The following TTC29 variants were observed in gnomAD, a reference collection of about 807,000 sequenced individuals.
The protein encoded by TTC29 is tetratricopeptide repeat domain 29, also known as tetratricopeptide repeat protein 29.
Under a neutral mutation model 58.1 loss-of-function variants are expected in TTC29, and 49 were observed. The ratio of observed to expected loss-of-function variants is 0.84; its 90% CI spans 0.67 to 1.07. The LOEUF is 1.07. Ranked by LOEUF, TTC29 falls within the 50% of genes least tolerant of loss-of-function variation. TTC29 has a pLI of 0.00. For synonymous variants in TTC29, 209 were observed against 196.8 expected, an observed-to-expected ratio of 1.06 and a Z score of -0.52; for missense variants, 582 against 555.6, an observed-to-expected ratio of 1.05 and a Z score of -0.48.
chr4:146,771,773 C>G (rs1280427565), intron 11 of TTC29, among the ~76,000 whole-genome samples: 2 of 152,076 alleles, frequency 1.3e-5, no homozygotes, highest in Non-Finnish European at 2.9e-5. Flanking sequence ...TGGGTATACA[C>G]CGAGTAACAG....
intron 8 of TTC29, among the ~76,000 whole-genome samples, chr4:146,853,015 A>C (rs1226825474): frequency 1.3e-5 from 2 of 152,192 alleles, no homozygotes; most frequent in African/African-American, 4.8e-5. Flanking sequence ...TGAAATGACT[A>C]ACCTGCTACA....
At chr4:146,843,075 T>C (rs1159434767) in intron 8 of TTC29, among the ~76,000 whole-genome samples, 2 of 152,072 alleles carry the variant, frequency 1.3e-5, no homozygotes, top group African/African-American at 4.8e-5. Flanking sequence ...AGCACTGCAG[T>C]AACAGGCTGA....
At chr4:146,764,883 C>T (rs967939291) in intron 11 of TTC29, among the ~76,000 whole-genome samples, 9 of 151,604 alleles carry the variant, frequency 5.9e-5, no homozygotes, top group Non-Finnish European at 1.2e-4. Flanking sequence ...CTGATAGTGA[C>T]AGCAACTGCG....
intron 11 of TTC29, among the ~76,000 whole-genome samples, chr4:146,792,675 C>A (rs997899374): frequency 1.3e-5 from 2 of 152,112 alleles, no homozygotes; most frequent in Non-Finnish European, 2.9e-5. Context: ...ATACTTTGTA[C>A]AGCTTTAATA....
intron 11 of TTC29, among the ~76,000 whole-genome samples, chr4:146,763,377 G>A (rs564232174): frequency 4.6e-5 from 7 of 152,126 alleles, no homozygotes; most frequent in African/African-American, 1.7e-4. Flanking sequence ...TTAACTACAA[G>A]GAATTTTGTT....
In TTC29 at chr4:146,741,201, T is replaced by C. The variant is rs531977002; in HGVS notation, c.1331-33650A>G. 5.3e-5 allele frequency among the ~76,000 whole-genome samples: 8 copies of C among 152,344 alleles called. No individual in the cohort carries two copies. The South Asian group carries it at 1.0e-3, about 20-fold the overall frequency. ...CATGATACGTAAGTAATATTTTAGA[T>C]CCAGGGTGTGAAATTTTTAGATGAC... is the stretch of plus-strand genomic sequence containing the variant. On this transcript the variant is annotated intron_variant, in intron 11 of 12. Coordinates refer to ENST00000325106, the MANE Select transcript of TTC29 (RefSeq NM_031956.4).
intron 6 of TTC29, among the ~76,000 whole-genome samples, chr4:146,878,964 C>G (rs1037797908): frequency 6.6e-6 from 1 of 152,124 alleles, no homozygotes; most frequent in South Asian, 2.1e-4. Flanking sequence ...GGTTTCATTT[C>G]CCCTTGCTTC....
At chr4:146,882,362 T>C (rs1433022998) in intron 6 of TTC29, among the ~76,000 whole-genome samples, 2 of 152,104 alleles carry the variant, frequency 1.3e-5, no homozygotes, top group Admixed American at 6.6e-5. Flanking sequence ...ACTCAAAAAA[T>C]TTATTGAAAA....
At chr4:146,915,525 C>T (rs1039980276) in intron 4 of TTC29, among the ~76,000 whole-genome samples, 6 of 151,748 alleles carry the variant, frequency 4.0e-5, no homozygotes, top group African/African-American at 1.2e-4. Context: ...TAAACTCTAA[C>T]GGGAAAAACA....
intron 8 of TTC29, among the ~76,000 whole-genome samples, chr4:146,862,222 G>A (rs546014223): frequency 6.6e-6 from 1 of 150,380 alleles, no homozygotes; most frequent in Admixed American, 6.6e-5. Flanking sequence ...TCAGGGAATC[G>A]ATCCTACATA....
intron 11 of TTC29, among the ~76,000 whole-genome samples, chr4:146,765,795 T>A (rs1326186862): frequency 2.0e-5 from 3 of 152,148 alleles, no homozygotes; most frequent in African/African-American, 7.2e-5. Flanking sequence ...ATGATGATAC[T>A]CTATGACTGA....
At chr4:146,814,585 G>T (rs1375910245) in intron 10 of TTC29, among the ~76,000 whole-genome samples, 1 of 152,038 alleles carries the variant, frequency 6.6e-6, no homozygotes, top group Non-Finnish European at 1.5e-5. Context: ...AATTAGCTGG[G>T]CGTGGTGGCG....
chr4:146,838,274 G>C (rs911847234), intron 8 of TTC29, among the ~76,000 whole-genome samples: 1 of 151,994 alleles, frequency 6.6e-6, no homozygotes, highest in Admixed American at 6.6e-5. Flanking sequence ...AAAGAACAAT[G>C]CTGGGGATAT....
At chr4:146,793,687 A>G (rs1251463661) in intron 11 of TTC29, among the ~76,000 whole-genome samples, 1 of 152,140 alleles carries the variant, frequency 6.6e-6, no homozygotes, top group East Asian at 1.9e-4. Flanking sequence ...AAGAGAGTCT[A>G]GGAGAGGCCC....
intron 9 of TTC29, 84 bp downstream of exon 9, chr4:146,833,722 G>T (rs1728319314): frequency 2.8e-6 from 3 of 1,053,466 alleles, no homozygotes; most frequent in Non-Finnish European, 4.4e-6. Flanking sequence ...GGCAGTAATG[G>T]AAAGCGACAG....
At chr4:146,914,483 G>T (rs1336235735) in intron 4 of TTC29, among the ~76,000 whole-genome samples, 4 of 152,126 alleles carry the variant, frequency 2.6e-5, no homozygotes, top group Non-Finnish European at 5.9e-5. Flanking sequence ...CTGATGCCAT[G>T]ATACTGGATG....
At chr4:146,895,157 G>T (rs1732685107) in intron 6 of TTC29, among the ~76,000 whole-genome samples, 1 of 152,168 alleles carries the variant, frequency 6.6e-6, no homozygotes, top group Non-Finnish European at 1.5e-5. Flanking sequence ...ACATGATCTT[G>T]TTCCTTTTTA....
intron 11 of TTC29, among the ~76,000 whole-genome samples, chr4:146,737,598 G>T (rs527265153): frequency 1.8e-4 from 27 of 150,206 alleles, no homozygotes; most frequent in East Asian, 5.9e-4. Flanking sequence ...CCTGGGGGGG[G>T]GGGGGCTACA....
Position 146,865,360 on chromosome 4 carries a change from T to C in TTC29, c.885+2138A>G, listed in dbSNP as rs535948940. 2.6e-5 allele frequency among the ~76,000 whole-genome samples: 4 copies of C among 152,328 alleles called. No individual in the cohort carries two copies. The East Asian group carries it at 7.7e-4, about 29-fold the overall frequency. On this transcript the variant is annotated intron_variant, in intron 8 of 12. Coordinates refer to ENST00000325106, the MANE Select transcript of TTC29 (RefSeq NM_031956.4). ...CAGTAGAAGATGTTTGAATCCATTA[T>C]GGCACAGCCACACAATGGGATATCA...
Sources: gnomAD v4.1 joint callset for allele counts (sites outside exome capture counted in the v4.1 genomes callset) on GRCh38, gnomAD v4.1.1 for gene constraint, MANE v1.5 for transcripts, NCBI Gene and HGNC (gene_info 2026-07-23, HGNC 2026-07-21) for gene names.